LRMDA: variants seen among roughly 807,000 people sequenced by gnomAD.
LRMDA encodes the protein leucine-rich melanocyte differentiation-associated protein.
In LRMDA, 18 loss-of-function variants were observed where a neutral mutation model predicts 29.8. The ratio of observed to expected loss-of-function variants is 0.60; its 90% CI spans 0.42 to 0.90. The LOEUF (loss-of-function observed/expected upper bound fraction) is 0.90. LRMDA is among the 40% of genes least tolerant of loss of function. The pLI is 0.00. For missense variants in LRMDA, 273 were observed against 273.9 expected (o/e 1.00, Z 0.02); for synonymous variants, 125 against 109.4 (o/e 1.14, Z -0.89).
At chr10:76,289,206 A>G (rs1054286239) in intron 5 of LRMDA, among the ~76,000 whole-genome samples, 1 of 152,154 alleles carries the variant, frequency 6.6e-6, no homozygotes, top group African/African-American at 2.4e-5. Flanking sequence ...AGCCTTCCTC[A>G]ATGAGGGGGA....
At chr10:76,469,834 G>A (rs765278097) in intron 6 of LRMDA, among the ~76,000 whole-genome samples, 3 of 152,048 alleles carry the variant, frequency 2.0e-5, no homozygotes, top group Non-Finnish European at 2.9e-5. Flanking sequence ...CCCTACCCAT[G>A]TACAATTCAG....
intron 2 of LRMDA, among the ~76,000 whole-genome samples, chr10:75,595,453 TACTG>T (rs1477660934): frequency 6.6e-6 from 1 of 151,918 alleles, no homozygotes; most frequent in Non-Finnish European, 1.5e-5. Flanking sequence ...AGCCATCTAA[TACTG>T]ACAGCTATGT....
At chr10:75,910,653 T>C (rs1192171031) in intron 2 of LRMDA, among the ~76,000 whole-genome samples, 2 of 152,212 alleles carry the variant, frequency 1.3e-5, no homozygotes, top group Non-Finnish European at 2.9e-5. Flanking sequence ...GCAAGTGATT[T>C]GCTCAAGATG....
chr10:75,565,468 G>A (rs1001897354), intron 2 of LRMDA, among the ~76,000 whole-genome samples: 3 of 152,174 alleles, frequency 2.0e-5, no homozygotes, highest in Admixed American at 2.0e-4. Context: ...TTAATCCGTT[G>A]CTTAACTTAT....
intron 6 of LRMDA, among the ~76,000 whole-genome samples, chr10:76,380,613 G>A (rs147449309): frequency 3.4e-5 from 5 of 147,956 alleles, no homozygotes; most frequent in African/African-American, 1.3e-4. Context: ...AGCTTGCAGT[G>A]AGCCGAGATT....
intron 6 of LRMDA, among the ~76,000 whole-genome samples, chr10:76,335,885 C>CCATTCA (rs1219748142): frequency 1.3e-5 from 2 of 152,102 alleles, no homozygotes; most frequent in East Asian, 3.9e-4. Context: ...TGCTGGTTGG[C>CCATTCA]TTTTCCTGAA....
intron 2 of LRMDA, among the ~76,000 whole-genome samples, chr10:75,798,772 A>T (rs1309714160): frequency 6.6e-6 from 1 of 151,914 alleles, no homozygotes; most frequent in Non-Finnish European, 1.5e-5. Context: ...TGTTTTCTAG[A>T]TATCTTTTTT....
intron 5 of LRMDA, among the ~76,000 whole-genome samples, chr10:76,105,427 G>A (rs7899083): frequency 6.6e-6 from 1 of 151,440 alleles, no homozygotes. Context: ...GGGGGTGGGG[G>A]GGAAGAGTCT....
At chr10:76,015,057 T>A (rs546130498) in intron 2 of LRMDA, among the ~76,000 whole-genome samples, 1 of 152,380 alleles carries the variant, frequency 6.6e-6, no homozygotes, top group South Asian at 2.1e-4. Flanking sequence ...TATTGTCTTC[T>A]TGTATCTTCA....
chr10:75,551,032 G>A (rs1200685671), intron 2 of LRMDA, among the ~76,000 whole-genome samples: 2 of 151,026 alleles, frequency 1.3e-5, no homozygotes, highest in African/African-American at 4.9e-5. Context: ...TCTTTAGACA[G>A]CAATTATCTT....
At chr10:75,593,688 C>G (rs1298474092) in intron 2 of LRMDA, among the ~76,000 whole-genome samples, 1 of 152,258 alleles carries the variant, frequency 6.6e-6, no homozygotes, top group Non-Finnish European at 1.5e-5. Context: ...CTGACAGTTA[C>G]AAATAACATG....
chr10:75,539,773 A>G (rs942679675), intron 2 of LRMDA, among the ~76,000 whole-genome samples: 16 of 152,062 alleles, frequency 1.1e-4, no homozygotes, highest in Non-Finnish European at 2.1e-4. Flanking sequence ...TTGTTGATGT[A>G]TTGGCGATTT....
chr10:75,780,689 T>G (rs2132242396), intron 2 of LRMDA, among the ~76,000 whole-genome samples: 1 of 152,260 alleles, frequency 6.6e-6, no homozygotes, highest in South Asian at 2.1e-4. Context: ...GCACAAGTAC[T>G]AGGGCCAGTG....
intron 2 of LRMDA, among the ~76,000 whole-genome samples, chr10:75,977,839 T>C (rs186161075): frequency 5.4e-4 from 82 of 152,354 alleles, no homozygotes; most frequent in Admixed American, 1.0e-3. Flanking sequence ...GGTTGAGTTC[T>C]GGCTCTGCCA....
intron 2 of LRMDA, among the ~76,000 whole-genome samples, chr10:75,917,447 C>T (rs1379046506): frequency 6.6e-6 from 1 of 152,194 alleles, no homozygotes; most frequent in African/African-American, 2.4e-5. Flanking sequence ...GCTGCATGGC[C>T]AGTAGGCCTT....
intron 2 of LRMDA, among the ~76,000 whole-genome samples, chr10:75,816,096 G>A (rs376287585): frequency 2.3e-4 from 35 of 152,262 alleles, no homozygotes; most frequent in African/African-American, 6.0e-4. Flanking sequence ...AGGAGGTACC[G>A]GTCAGTGTCA....
intron 2 of LRMDA, among the ~76,000 whole-genome samples, chr10:75,447,526 A>C (rs1298486904): frequency 6.6e-6 from 1 of 151,984 alleles, no homozygotes; most frequent in Non-Finnish European, 1.5e-5. Flanking sequence ...ACTCCATCTC[A>C]AAAAAAAGAA....
intron 5 of LRMDA, among the ~76,000 whole-genome samples, chr10:76,221,164 C>A (rs575705824): frequency 8.5e-5 from 13 of 152,066 alleles, no homozygotes; most frequent in African/African-American, 3.1e-4. Context: ...CAGCCAATAT[C>A]ATACTGAATG....
intron 2 of LRMDA, among the ~76,000 whole-genome samples, chr10:75,897,493 C>T (rs1178302643): frequency 6.6e-6 from 1 of 152,202 alleles, no homozygotes; most frequent in African/African-American, 2.4e-5. Flanking sequence ...TGGAGAATGC[C>T]TGCTAGACCT....
Sources: allele counts gnomAD v4.1 joint callset (sites outside exome capture counted in the v4.1 genomes callset), GRCh38; gene constraint gnomAD v4.1.1; transcripts MANE v1.5; gene names NCBI Gene and HGNC (gene_info 2026-07-23, HGNC 2026-07-21).